Variants in ENTREP2 observed in about 807,000 individuals in gnomAD.
The protein encoded by ENTREP2 is endosomal transmembrane epsin interactor 2.
chr15:29,621,151 A>G, the ENTREP2 span, among the ~76,000 whole-genome samples: 2 of 152,006 alleles, frequency 1.3e-5, no homozygotes, highest in Admixed American at 6.5e-5. Context: ...GCACTTTGGG[A>G]GGCCGAGGCA....
At chr15:29,124,740 G>A in the ENTREP2 span, 53 of 1,550,526 alleles carry the variant, frequency 3.4e-5, no homozygotes, top group South Asian at 4.8e-5. Flanking sequence ...GCTACACGAC[G>A]GCCTGTGTGA....
chr15:29,286,601 G>A, the ENTREP2 span, among the ~76,000 whole-genome samples: 7 of 152,092 alleles, frequency 4.6e-5, no homozygotes, highest in African/African-American at 1.2e-4. Context: ...CTGGAGCCCC[G>A]GCCTCGGAGG....
At chr15:29,207,353 T>C in the ENTREP2 span, among the ~76,000 whole-genome samples, 31 of 149,054 alleles carry the variant, frequency 2.1e-4, no homozygotes, top group African/African-American at 6.4e-4. Flanking sequence ...CTCTTAAAGA[T>C]TGCACGAACC....
At chr15:29,613,832 C>T in the ENTREP2 span, 1 of 164,010 alleles carries the variant, frequency 6.1e-6, no homozygotes, top group Non-Finnish European at 1.3e-5. Flanking sequence ...GCTACCTTTG[C>T]CCCTCTCACC....
chr15:29,387,304 T>C, the ENTREP2 span, among the ~76,000 whole-genome samples: 5 of 152,234 alleles, frequency 3.3e-5, no homozygotes, highest in African/African-American at 1.2e-4. Flanking sequence ...ATTACATTTA[T>C]TGATTTGCAT....
the ENTREP2 span, among the ~76,000 whole-genome samples, chr15:29,355,534 T>C: frequency 6.6e-6 from 1 of 150,570 alleles, no homozygotes; most frequent in Non-Finnish European, 1.5e-5. Flanking sequence ...ACTTGGAGGA[T>C]CAGAAGCTGA....
the ENTREP2 span, among the ~76,000 whole-genome samples, chr15:29,380,001 C>T: frequency 6.6e-6 from 1 of 151,700 alleles, no homozygotes; most frequent in East Asian, 2.0e-4. Context: ...CCACAGTCAG[C>T]CTATTCACTG....
At chr15:29,428,550 C>A in the ENTREP2 span, among the ~76,000 whole-genome samples, 1 of 151,612 alleles carries the variant, frequency 6.6e-6, no homozygotes, top group African/African-American at 2.4e-5. Context: ...TTCCATCTGT[C>A]TTAAGCTCTT....
the ENTREP2 span, among the ~76,000 whole-genome samples, chr15:29,568,204 T>G: frequency 6.6e-6 from 1 of 152,350 alleles, no homozygotes; most frequent in Non-Finnish European, 1.5e-5. Context: ...CAAAGTAAGT[T>G]TGAAGACAGA....
At chr15:29,173,007 C>T in the ENTREP2 span, among the ~76,000 whole-genome samples, 8,880 of 152,260 alleles carry the variant, frequency 0.058, 892 homozygotes, top group African/African-American at 0.2. Flanking sequence ...CCCTCTGCAG[C>T]CTATTTCTGC....
the ENTREP2 span, chr15:29,612,580 TTG>T: frequency 6.5e-6 from 1 of 153,856 alleles, no homozygotes; most frequent in African/African-American, 2.4e-5. Context: ...ATGGAGGAAA[TTG>T]TGCACATCCA....
the ENTREP2 span, among the ~76,000 whole-genome samples, chr15:29,149,952 C>A: frequency 6.6e-6 from 1 of 152,238 alleles, no homozygotes; most frequent in Non-Finnish European, 1.5e-5. Context: ...AACAACAGGG[C>A]TTCTGACGGC....
the ENTREP2 span, among the ~76,000 whole-genome samples, chr15:29,628,664 G>C: frequency 2.6e-5 from 4 of 152,230 alleles, no homozygotes; most frequent in Non-Finnish European, 5.9e-5. Context: ...TTTCAGTTCT[G>C]TTTTTACTTC....
the ENTREP2 span, among the ~76,000 whole-genome samples, chr15:29,281,698 C>G: frequency 6.6e-6 from 1 of 152,190 alleles, no homozygotes; most frequent in African/African-American, 2.4e-5. Flanking sequence ...TAATAACTTC[C>G]TTCGTTATTG....
chr15:29,424,841 A>G, the ENTREP2 span, among the ~76,000 whole-genome samples: 65,923 of 152,084 alleles, frequency 0.43, 16,822 homozygotes, highest in Middle Eastern at 0.69. Flanking sequence ...CACTGCAGGC[A>G]CAAGACCAGC....
the ENTREP2 span, among the ~76,000 whole-genome samples, chr15:29,506,079 A>T: frequency 6.6e-6 from 1 of 152,160 alleles, no homozygotes; most frequent in African/African-American, 2.4e-5. Flanking sequence ...GACCTGATGG[A>T]GCTGAAAAAC....
At chr15:29,373,702 T>C in the ENTREP2 span, 1 of 152,160 alleles carries the variant, frequency 6.6e-6, no homozygotes, top group South Asian at 2.1e-4. Context: ...AAGAATCATA[T>C]AATTGTTTGG....
the ENTREP2 span, among the ~76,000 whole-genome samples, chr15:29,415,483 A>G: frequency 6.6e-6 from 1 of 152,206 alleles, no homozygotes; most frequent in Non-Finnish European, 1.5e-5. Context: ...TAAATTAGGT[A>G]TTGATGGGAT....
At chr15:29,231,396 C>G in the ENTREP2 span, among the ~76,000 whole-genome samples, 1 of 152,132 alleles carries the variant, frequency 6.6e-6, no homozygotes, top group Non-Finnish European at 1.5e-5. Flanking sequence ...TTTACCCTAC[C>G]CAGGCACTGA....
Sources: gnomAD v4.1 joint callset for allele counts (sites outside exome capture counted in the v4.1 genomes callset) on GRCh38, gnomAD v4.1.1 for gene constraint, MANE v1.5 for transcripts, NCBI Gene and HGNC (gene_info 2026-07-23, HGNC 2026-07-21) for gene names.